Variants in CEP104 observed in about 807,000 individuals in gnomAD.
CEP104 encodes centrosomal protein of 104 kDa.
In CEP104, 84 loss-of-function variants were observed where a neutral mutation model predicts 113.3. The ratio of observed to expected loss-of-function variants is 0.74; its 90% CI spans 0.62 to 0.89. The LOEUF (loss-of-function observed/expected upper bound fraction) is 0.89, where lower values mean the gene tolerates loss of function less well. CEP104 is among the 40% of genes least tolerant of loss of function. The pLI is 0.00. For synonymous variants in CEP104, 378 were observed against 421.7 expected, an observed-to-expected ratio of 0.90 and a Z score of 1.27; for missense variants, 1,053 against 1,156.6, an observed-to-expected ratio of 0.91 and a Z score of 1.30.
At position 3,812,405 on chromosome 1, in the gene CEP104, T is replaced by C. The variant is rs1186189511; in HGVS notation, c.*2997A>G. On this transcript the variant is annotated 3_prime_UTR_variant, in exon 22 of 22. Coordinates refer to ENST00000378230, the MANE Select transcript of CEP104 (RefSeq NM_014704.4). Reference sequence around the variant, plus strand: ...AAATTCAATTAATTAGTATTCCTAATTTAGATATTTATTTATGAATGACCA... The same window carrying C: ...AAATTCAATTAATTAGTATTCCTAACTTAGATATTTATTTATGAATGACCA... 6.6e-6 allele frequency: 1 copy of C among 152,186 alleles called. No homozygotes were observed. Among genetic ancestry groups the C allele is most frequent in the Non-Finnish European group, 1.5e-5 (1 of 68,034 alleles). The allele number at this position is 152,186 out of a possible 1,614,324, so 9.4% of individuals were successfully genotyped here. A position where few individuals can be genotyped will look rare whatever the true frequency, so the allele number is the denominator to read the frequency against.
chr1:3,843,321 C>T (rs1403606704), intron 6 of CEP104: 3 of 536,476 alleles, frequency 5.6e-6, no homozygotes, highest in South Asian at 2.2e-5. Context: ...GGTTCTTACA[C>T]TGCTAAAAAA....
chr1:3,852,514 A>T, intron 1 of CEP104, 93 bp from the exon 2 acceptor site: 1 of 1,076,788 alleles, frequency 9.3e-7, no homozygotes. Flanking sequence ...GCTAACACAC[A>T]CAATAATGCA....
intron 11 of CEP104, 54 bp from the exon 12 acceptor site, chr1:3,834,089 A>G: frequency 7.2e-7 from 1 of 1,379,732 alleles, no homozygotes; most frequent in East Asian, 2.3e-5. Flanking sequence ...TTCCACCAAG[A>G]GGAAACATGG....
chr1:3,841,636 C>T (rs116370331), intron 6 of CEP104, among the ~76,000 whole-genome samples: 2,183 of 152,268 alleles, frequency 0.014, 38 homozygotes, highest in South Asian at 0.072. Context: ...GAACCCCCAG[C>T]GGCAATGACC....
At chr1:3,843,260 C>T (rs573846389) in intron 6 of CEP104, 66 of 709,730 alleles carry the variant, frequency 9.3e-5, no homozygotes, top group South Asian at 4.2e-4. Context: ...AGAGGGTGAC[C>T]GAGGATGGCA....
chr1:3,836,405 C>T, intron 10 of CEP104, 90 bp downstream of exon 10: 1 of 1,361,210 alleles, frequency 7.3e-7, no homozygotes, highest in African/African-American at 1.5e-5. Context: ...CGTTTTCCCT[C>T]CTTTATGTGT....
chr1:3,847,683 G>C (rs1644533420), intron 3 of CEP104, 70 bp from the exon 4 acceptor site: 1 of 1,457,422 alleles, frequency 6.9e-7, no homozygotes, highest in Non-Finnish European at 9.6e-7. Context: ...TACTCTGATT[G>C]AACTCAATAG....
chr1:3,825,989 T>C lies in CEP104; in HGVS notation c.2256-123A>G, dbSNP rs1234771171. 5 of 732,736 alleles carry C rather than the reference T, an allele frequency of 6.8e-6. No individual in the cohort carries two copies. In the East Asian group the frequency reaches 1.3e-4, roughly 20 times the overall value. The allele number at this position is 732,736 out of a possible 1,614,324, so 45.4% of individuals were successfully genotyped here. A position where few individuals can be genotyped will look rare whatever the true frequency, so the allele number is the denominator to read the frequency against. The stretch of plus-strand genomic sequence containing the variant: ...CCCTGTGATGTGTGCACTTTCCCTC[T>C]CATCTGGAACTGCCTCAGTTTGCTC... On this transcript the variant is annotated intron_variant, in intron 17 of 21. Transcript: ENST00000378230.
At chr1:3,843,439 TGATC>T in intron 6 of CEP104, 1 of 476,998 alleles carries the variant, frequency 2.1e-6, no homozygotes, top group African/African-American at 2.1e-5. Flanking sequence ...TACAGTGGCA[TGATC>T]TCGGCTCAAG....
In CEP104 at chr1:3,813,045, A is replaced by G. The variant is rs1040992056; in HGVS notation, c.*2357T>C. The G allele has an allele frequency of 6.6e-6, 1 of 152,022 alleles. No individual in the cohort carries two copies. The highest frequency in any genetic ancestry group is 2.4e-5 in the African/African-American group (1 of 41,394). The allele number at this position is 152,022 out of a possible 1,614,324, so 9.4% of individuals were successfully genotyped here. ...TGTATATATATATATATATTTCTTA[A>G]AAGTGTTGATTGGTGAGAAAAGAAT... On this transcript the variant is annotated 3_prime_UTR_variant, in exon 22 of 22. Coordinates refer to ENST00000378230, the MANE Select transcript of CEP104 (RefSeq NM_014704.4).
intron 9 of CEP104, 173 bp downstream of exon 9, chr1:3,837,119 T>C (rs2124673064): frequency 1.7e-6 from 1 of 602,498 alleles, no homozygotes; most frequent in East Asian, 2.8e-5. Flanking sequence ...ATTAGGCCTA[T>C]TCCTTATGTG....
At chr1:3,829,510 C>G (rs1275558939) in intron 14 of CEP104, 137 bp from the exon 15 acceptor site, 3 of 698,332 alleles carry the variant, frequency 4.3e-6, no homozygotes, top group Middle Eastern at 4.0e-4. Context: ...TAGAATAAGT[C>G]TTTTCCATTG....
chr1:3,839,200 C>A, intron 7 of CEP104, 81 bp from the exon 8 acceptor site: 1 of 1,259,386 alleles, frequency 7.9e-7, no homozygotes, highest in South Asian at 1.3e-5. Flanking sequence ...AAGAATCACG[C>A]GTGAACCGTC....
chr1:3,835,573 A>G (rs1644293810), intron 10 of CEP104, among the ~76,000 whole-genome samples: 1 of 152,212 alleles, frequency 6.6e-6, no homozygotes, highest in South Asian at 2.1e-4. Context: ...GGGTTTCACC[A>G]TCTTGGCCAG....
intron 6 of CEP104, among the ~76,000 whole-genome samples, chr1:3,842,149 G>A (rs1004912482): frequency 1.3e-5 from 2 of 152,212 alleles, no homozygotes; most frequent in African/African-American, 4.8e-5. Context: ...GTGCAGTGGT[G>A]CGATTTTGGC....
chr1:3,848,298 C>T (rs995611293), intron 3 of CEP104, among the ~76,000 whole-genome samples: 7 of 151,836 alleles, frequency 4.6e-5, no homozygotes, highest in African/African-American at 1.5e-4. Context: ...TTTGGGAGGT[C>T]GAGGCGGGCG....
intron 12 of CEP104, among the ~76,000 whole-genome samples, chr1:3,833,504 G>T (rs907315883): frequency 2.0e-5 from 3 of 152,210 alleles, no homozygotes; most frequent in African/African-American, 7.2e-5. Flanking sequence ...CTAGCCTAGA[G>T]GAGGCATATT....
At position 3,823,089 on chromosome 1, in the gene CEP104, C is replaced by T. The variant is rs576118769; in HGVS notation, c.2571+85G>A. 15 of 1,276,034 alleles carry T rather than the reference C, an allele frequency of 1.2e-5. No individual in the cohort carries two copies. The highest frequency in any genetic ancestry group is 6.9e-5 in the East Asian group (3 of 43,328). 79.0% of individuals were successfully genotyped at this position (1,276,034 alleles called of 1,614,324 possible). A position where few individuals can be genotyped will look rare whatever the true frequency, so the allele number is the denominator to read the frequency against. On this transcript the variant is annotated intron_variant, in intron 20 of 21. Transcript: ENST00000378230. The surrounding 1 kb of genome is among the most constrained non-coding windows in gnomAD (Gnocchi z 4.1). ...GTACTGTACTCTGTGGCTATGGTCC[C>T]GCACTGACACCACCACTGTCACCAC...
chr1:3,837,137 T>C, intron 9 of CEP104, 155 bp downstream of exon 9: 2 of 626,286 alleles, frequency 3.2e-6, no homozygotes, highest in South Asian at 2.0e-5. Context: ...GTGGCTATGC[T>C]CTCACTCAGC....
Sources: gnomAD v4.1 joint callset for allele counts (sites outside exome capture counted in the v4.1 genomes callset) on GRCh38, gnomAD v4.1.1 for gene constraint, Gnocchi (gnomAD v3.1) non-coding constraint, MANE v1.5 for transcripts, NCBI Gene and HGNC (gene_info 2026-07-23, HGNC 2026-07-21) for gene names.